Variants in SLC1A1 observed in about 807,000 individuals in gnomAD.
The protein encoded by SLC1A1 is solute carrier family 1 member 1.
Under a neutral mutation model 53.3 loss-of-function variants are expected in SLC1A1, and 43 were observed. The observed-to-expected ratio is 0.81, with a 90% CI of 0.63 to 1.04. The LOEUF (loss-of-function observed/expected upper bound fraction) is 1.04. Ranked by LOEUF, SLC1A1 falls within the 50% of genes least tolerant of loss-of-function variation. SLC1A1 has a pLI of 0.00. For missense variants in SLC1A1, 748 were observed against 664.9 expected, an observed-to-expected ratio of 1.12 and a Z score of -1.37; for synonymous variants, 307 against 243.2, an observed-to-expected ratio of 1.26 and a Z score of -2.44.
At chr9:4,537,583 T>TA (rs1171027024) in intron 1 of SLC1A1, among the ~76,000 whole-genome samples, 535 of 24,094 alleles carry the variant, frequency 0.022, 122 homozygotes, top group African/African-American at 0.085. Flanking sequence ...TAAAATAAAA[T>TA]AAAATAAAAT....
chr9:4,517,199 G>A (rs183212455), intron 1 of SLC1A1, among the ~76,000 whole-genome samples: 13 of 152,008 alleles, frequency 8.6e-5, no homozygotes, highest in African/African-American at 2.7e-4. Context: ...ACTCTCCACC[G>A]TCCTCAATAG....
In SLC1A1 at chr9:4,587,149, T is replaced by C. The variant is rs961573510; in HGVS notation, c.*1591T>C. 1 of 152,656 alleles carries C rather than the reference T, an allele frequency of 6.6e-6. No individual in the cohort carries two copies. Among genetic ancestry groups the C allele is most frequent in the Non-Finnish European group, 1.5e-5 (1 of 68,030 alleles). 9.5% of individuals were successfully genotyped at this position (152,656 alleles called of 1,614,324 possible). ...CGACCTACATCTGAAATCTACAACA[T>C]AATGATACTGAATTGTTATGTAAAC... is the stretch of plus-strand genomic sequence containing the variant. On this transcript the variant is annotated 3_prime_UTR_variant, in exon 12 of 12. Transcript: ENST00000262352.
intron 1 of SLC1A1, among the ~76,000 whole-genome samples, chr9:4,536,785 A>C (rs1816692077): frequency 6.6e-6 from 1 of 152,216 alleles, no homozygotes; most frequent in South Asian, 2.1e-4. Context: ...AAAGACTTGC[A>C]ACCAAGCCAA....
intron 2 of SLC1A1, among the ~76,000 whole-genome samples, chr9:4,548,808 C>T (rs941560488): frequency 1.3e-5 from 2 of 151,722 alleles, no homozygotes; most frequent in Admixed American, 6.6e-5. Flanking sequence ...AAAAATGGCA[C>T]AGTTGATATA....
rs1818355101 is a variant in SLC1A1 at position 4,556,134 on chromosome 9, G to A, written c.233-5315G>A. ...CTCCTGAGTAGCTGGGATTGCAGGT[G>A]CACACCATCACACCCAGCAAATTTG... On this transcript the variant is annotated intron_variant, in intron 2 of 11. Transcript: ENST00000262352. The surrounding 1 kb of genome is among the most constrained non-coding windows in gnomAD (Gnocchi z 4.1). Among the ~76,000 whole-genome samples the A allele has an allele frequency of 1.3e-5, 2 of 152,022 alleles. No individual in the cohort carries two copies. Among genetic ancestry groups the A allele is most frequent in the African/African-American group, 4.8e-5 (2 of 41,380 alleles).
intron 1 of SLC1A1, among the ~76,000 whole-genome samples, chr9:4,521,414 C>T (rs1816066410): frequency 6.6e-6 from 1 of 152,074 alleles, no homozygotes; most frequent in Non-Finnish European, 1.5e-5. Flanking sequence ...GCATTAATCC[C>T]CTCTGCCACC....
At chr9:4,550,836 A>T (rs1328425209) in intron 2 of SLC1A1, among the ~76,000 whole-genome samples, 2 of 152,182 alleles carry the variant, frequency 1.3e-5, no homozygotes, top group Non-Finnish European at 2.9e-5. Flanking sequence ...CCAATAGTAA[A>T]TATTCTAGGT....
At chr9:4,523,529 T>G (rs984729072) in intron 1 of SLC1A1, among the ~76,000 whole-genome samples, 1 of 152,226 alleles carries the variant, frequency 6.6e-6, no homozygotes, top group African/African-American at 2.4e-5. Flanking sequence ...ATAAATGTCA[T>G]AGACTGAGGA....
At chr9:4,572,452 AAGAAG>A in intron 7 of SLC1A1, 64 bp downstream of exon 7, 3 of 1,398,016 alleles carry the variant, frequency 2.1e-6, no homozygotes, top group Non-Finnish European at 3.1e-6. Flanking sequence ...CAAAATTAGA[AAGAAG>A]AGGTTTTATG....
At chr9:4,565,024 A>G (rs993192506) in intron 4 of SLC1A1, among the ~76,000 whole-genome samples, 1 of 152,222 alleles carries the variant, frequency 6.6e-6, no homozygotes, top group Non-Finnish European at 1.5e-5. Context: ...TTATAAATAT[A>G]TCATCTGCAA....
chr9:4,512,966 C>CA (rs928925527), intron 1 of SLC1A1, among the ~76,000 whole-genome samples: 35 of 151,818 alleles, frequency 2.3e-4, no homozygotes, highest in African/African-American at 7.7e-4. Flanking sequence ...AAAAGCTATT[C>CA]AAAGAGCAAA....
Position 4,545,189 on chromosome 9 carries a change from G to C in SLC1A1, c.232+482G>C, listed in dbSNP as rs1019161881. On this transcript the variant is annotated intron_variant, in intron 2 of 11. Coordinates refer to ENST00000262352, the MANE Select transcript of SLC1A1 (RefSeq NM_004170.6). ...CGGGAAAAATTGAAATACATTAGAT[G>C]TCTCTCTCTCTCTCTCTCTCTCTCT... Among the ~76,000 whole-genome samples, 1,238 of 130,942 alleles carry C rather than the reference G, an allele frequency of 9.5e-3. 23 individuals are homozygous for C. The highest frequency in any genetic ancestry group is 0.034 in the African/African-American group (1,180 of 34,996). The allele number at this position is 130,942 out of a possible 152,430, so 85.9% of individuals were successfully genotyped here.
rs1820582230 is a variant in SLC1A1, at chr9:4,576,756, A to C, written c.1186A>C (p.Thr396Pro). ...GGACTTGGGCATTGGGCAGATCATC[A>C]CCATCAGGTGGGGCATGGTGTCACA... ...DLDLGIGQII[T>P]ISITATSASI... The change falls in exon 10 of 12, where the codon ACC (threonine) becomes CCC (proline). Residue 396 changes from threonine (T) to proline (P), a missense_variant. Thr to Pro is a conservative substitution (Grantham distance 38). Transcript: ENST00000262352. The C allele has an allele frequency of 6.2e-7, 1 of 1,613,628 alleles. No individual in the cohort carries two copies. Among genetic ancestry groups the C allele is most frequent in the African/African-American group, 1.3e-5 (1 of 74,920 alleles).
intron 1 of SLC1A1, among the ~76,000 whole-genome samples, chr9:4,536,125 T>C (rs1586724157): frequency 6.6e-6 from 1 of 152,138 alleles, no homozygotes; most frequent in African/African-American, 2.4e-5. Flanking sequence ...ATTCAGGACA[T>C]CGGCATGGGC....
intron 2 of SLC1A1, among the ~76,000 whole-genome samples, chr9:4,546,476 A>T (rs1222175471): frequency 6.6e-6 from 1 of 151,912 alleles, no homozygotes; most frequent in Non-Finnish European, 1.5e-5. Context: ...ATTTCCACCT[A>T]TCAACGGTGG....
At position 4,574,156 on chromosome 9, in the gene SLC1A1, G is replaced by T. The variant is rs1483433572; in HGVS notation, c.875+142G>T. ...GGGTTCAGAGATAAGACAGCAGGGGGAGGAGGGCTGCCCTTTAACAGCTGT... is the reference window on the plus strand; with the variant it reads ...GGGTTCAGAGATAAGACAGCAGGGGTAGGAGGGCTGCCCTTTAACAGCTGT... On this transcript the variant is annotated intron_variant, in intron 8 of 11. Transcript: ENST00000262352. The T allele has an allele frequency of 1.3e-5, 9 of 710,400 alleles. No individual in the cohort carries two copies. In the Admixed American group the frequency reaches 1.8e-4, roughly 14 times the overall value. 44.0% of individuals were successfully genotyped at this position (710,400 alleles called of 1,614,324 possible).
In SLC1A1 at chr9:4,572,245, T is replaced by C. The variant is rs755541321; in HGVS notation, c.624T>C (p.Asp208=). Residue 208 remains aspartate, a synonymous_variant, in exon 7 of 12, where the codon GAT becomes GAC. Coordinates refer to ENST00000262352, the MANE Select transcript of SLC1A1 (RefSeq NM_004170.6). ...ACAAAATTGTTGGCATGTATTCAGA[T>C]GGCATAAACGTCCTGGGCTTGATTG... ...KEYKIVGMYS[D]GINVLGLIVF... The C allele has an allele frequency of 1.5e-5, 24 of 1,613,966 alleles. No individual in the cohort carries two copies. The highest frequency in any genetic ancestry group is 1.3e-4 in the African/African-American group (10 of 74,940).
At chr9:4,530,187 A>G (rs1191327115) in intron 1 of SLC1A1, among the ~76,000 whole-genome samples, 1 of 152,118 alleles carries the variant, frequency 6.6e-6, no homozygotes, top group Non-Finnish European at 1.5e-5. Context: ...ATGCAAAAAG[A>G]GGGCCCAATT....
intron 1 of SLC1A1, among the ~76,000 whole-genome samples, chr9:4,498,052 G>C (rs143048226): frequency 6.6e-6 from 1 of 152,198 alleles, no homozygotes; most frequent in Admixed American, 6.5e-5. Context: ...TGCGTGCTGA[G>C]TAATTGTTGA....
Sources: allele counts gnomAD v4.1 joint callset (sites outside exome capture counted in the v4.1 genomes callset), GRCh38; gene constraint gnomAD v4.1.1; non-coding constraint Gnocchi (gnomAD v3.1); transcripts MANE v1.5; gene names NCBI Gene and HGNC (gene_info 2026-07-23, HGNC 2026-07-21).